Variants in LHFPL2 observed in about 807,000 individuals in gnomAD.
The protein encoded by LHFPL2 is LHFPL tetraspan subfamily member 2, also known as LHFPL tetraspan subfamily member 2 protein.
In LHFPL2, 7 loss-of-function variants were observed where a neutral mutation model predicts 17.5. The ratio of observed to expected loss-of-function variants is 0.40; its 90% CI spans 0.23 to 0.75. LHFPL2 has a LOEUF of 0.75. Ranked by LOEUF, LHFPL2 falls within the 30% of genes least tolerant of loss-of-function variation. The probability of loss-of-function intolerance (pLI) is 0.37; values close to 1 mark genes in which losing one functional copy is unlikely to be tolerated. For synonymous variants in LHFPL2, 134 were observed against 116.2 expected (o/e 1.15, Z -0.99); for missense variants, 241 against 294.8 (o/e 0.82, Z 1.34).
At position 78,648,156 on chromosome 5, in the gene LHFPL2, C is replaced by T. The variant is rs1033718177; in HGVS notation, c.-350+343G>A. ...CGCCTGGGACCCACGCGCCGCCGTC[C>T]GAAGCCCGCCAGCGACGCCCAGAGA... On this transcript the variant is annotated intron_variant, in intron 1 of 4. Coordinates refer to ENST00000380345, the MANE Select transcript of LHFPL2 (RefSeq NM_005779.3). This position sits in a 1 kb window ranked among gnomAD's most constrained non-coding sequence, Gnocchi z 5.4. 6.6e-6 allele frequency among the ~76,000 whole-genome samples: 1 copy of T among 152,150 alleles called. No individual in the cohort carries two copies. The highest frequency in any genetic ancestry group is 2.4e-5 in the African/African-American group (1 of 41,442).
At chr5:78,570,267 G>A (rs1438286355) in intron 2 of LHFPL2, among the ~76,000 whole-genome samples, 5 of 152,210 alleles carry the variant, frequency 3.3e-5, no homozygotes, top group Non-Finnish European at 5.9e-5. Flanking sequence ...GTCAGGCTAT[G>A]TAGAAGAAAG....
chr5:78,583,733 A>G (rs1259748495), intron 2 of LHFPL2, among the ~76,000 whole-genome samples: 1 of 149,958 alleles, frequency 6.7e-6, no homozygotes, highest in Non-Finnish European at 1.5e-5. Context: ...CTTCATTTCA[A>G]CTTTGGTGAA....
intron 3 of LHFPL2, among the ~76,000 whole-genome samples, chr5:78,529,112 G>A (rs953715220): frequency 1.4e-4 from 20 of 139,166 alleles, no homozygotes; most frequent in African/African-American, 5.0e-4. Context: ...CCACGTCTCT[G>A]AAAAAAAAAA....
At position 78,563,700 on chromosome 5, in the gene LHFPL2, C is replaced by CAA. The variant is rs1198192351; in HGVS notation, c.-186+1111_-186+1112dup. On this transcript the variant is annotated intron_variant, in intron 3 of 4. Coordinates refer to ENST00000380345, the MANE Select transcript of LHFPL2 (RefSeq NM_005779.3). ...TGGGTGATAGAGCCAGACTCCACTT[C>CAA]AAAAAAAAAAAAAAAAAGATTATCA... 4.4e-3 allele frequency among the ~76,000 whole-genome samples: 411 copies of CAA among 93,290 alleles called. 1 individual carries two copies. The highest frequency in any genetic ancestry group is 0.013 in the African/African-American group (388 of 29,980). The allele number at this position is 93,290 out of a possible 152,430, so 61.2% of individuals were successfully genotyped here.
At chr5:78,643,552 T>C (rs1403634737) in intron 1 of LHFPL2, among the ~76,000 whole-genome samples, 1 of 152,186 alleles carries the variant, frequency 6.6e-6, no homozygotes, top group Non-Finnish European at 1.5e-5. Context: ...ATTCATTATG[T>C]CAACAAAACA....
chr5:78,531,695 C>T (rs1260485437), intron 3 of LHFPL2, among the ~76,000 whole-genome samples: 1 of 152,162 alleles, frequency 6.6e-6, no homozygotes, highest in African/African-American at 2.4e-5. Flanking sequence ...ATTTCTCAAC[C>T]TCCTCTGCAG....
chr5:78,644,142 A>G (rs1272812671), intron 1 of LHFPL2: 1 of 525,790 alleles, frequency 1.9e-6, no homozygotes, highest in East Asian at 3.4e-5. Context: ...TACAAAAAAG[A>G]CAATGTACAA....
chr5:78,575,949 A>T (rs56027956), intron 2 of LHFPL2, among the ~76,000 whole-genome samples: 6,662 of 152,226 alleles, frequency 0.044, 186 homozygotes, highest in Non-Finnish European at 0.067. Flanking sequence ...GCTGGAGCGC[A>T]GTGGCCTGGT....
chr5:78,628,326 T>A (rs945606205), intron 2 of LHFPL2, among the ~76,000 whole-genome samples: 2 of 152,182 alleles, frequency 1.3e-5, no homozygotes, highest in African/African-American at 4.8e-5. Flanking sequence ...CAATTCTCTC[T>A]CTTTTAAACG....
chr5:78,569,648 G>A (rs567031183), intron 2 of LHFPL2, among the ~76,000 whole-genome samples: 2 of 152,144 alleles, frequency 1.3e-5, no homozygotes, highest in African/African-American at 2.4e-5. Context: ...TTCATGAACC[G>A]TCTACCAAGC....
At chr5:78,552,618 G>A (rs1299019358) in intron 3 of LHFPL2, among the ~76,000 whole-genome samples, 6 of 152,134 alleles carry the variant, frequency 3.9e-5, no homozygotes, top group Admixed American at 1.3e-4. Context: ...CCTCTGGCAC[G>A]GCCAAAGGCA....
At chr5:78,600,029 T>C (rs992171056) in intron 2 of LHFPL2, among the ~76,000 whole-genome samples, 4 of 152,056 alleles carry the variant, frequency 2.6e-5, no homozygotes, top group Non-Finnish European at 5.9e-5. Flanking sequence ...GAACATGCAA[T>C]ATACCCTTCA....
intron 1 of LHFPL2, among the ~76,000 whole-genome samples, chr5:78,641,280 A>C (rs1169780734): frequency 6.6e-6 from 1 of 152,200 alleles, no homozygotes; most frequent in Admixed American, 6.5e-5. Context: ...CCATACATCA[A>C]CCTGGGCTAC....
At chr5:78,534,487 C>A (rs1456285832) in intron 3 of LHFPL2, among the ~76,000 whole-genome samples, 1 of 152,154 alleles carries the variant, frequency 6.6e-6, no homozygotes, top group Non-Finnish European at 1.5e-5. Flanking sequence ...CTATGACTCC[C>A]CCATTCCGCG....
chr5:78,504,514 A>AT (rs1388582297), intron 4 of LHFPL2, among the ~76,000 whole-genome samples: 1 of 152,030 alleles, frequency 6.6e-6, no homozygotes, highest in East Asian at 1.9e-4. Flanking sequence ...GCTTAAGGTG[A>AT]TTTTTTACCC....
chr5:78,588,640 T>C (rs1200667813), intron 2 of LHFPL2, among the ~76,000 whole-genome samples: 4 of 152,194 alleles, frequency 2.6e-5, no homozygotes, highest in African/African-American at 9.6e-5. Flanking sequence ...GTTATCCTCT[T>C]CAAAAGCTCC....
chr5:78,524,187 C>T (rs1755545504), intron 3 of LHFPL2, among the ~76,000 whole-genome samples: 2 of 152,184 alleles, frequency 1.3e-5, no homozygotes, highest in Non-Finnish European at 2.9e-5. Flanking sequence ...GGGCCTTGCT[C>T]ACCTTGCGCC....
intron 2 of LHFPL2, among the ~76,000 whole-genome samples, chr5:78,620,803 G>A (rs1744825140): frequency 6.6e-6 from 1 of 152,186 alleles, no homozygotes. Flanking sequence ...GGAGCCGACT[G>A]CCAAGCAGCT....
At chr5:78,533,735 A>T (rs1755856178) in intron 3 of LHFPL2, among the ~76,000 whole-genome samples, 1 of 152,216 alleles carries the variant, frequency 6.6e-6, no homozygotes, top group African/African-American at 2.4e-5. Context: ...AGAGAAAAAG[A>T]ACTCTGCCAA....
Sources: gnomAD v4.1 joint callset for allele counts (sites outside exome capture counted in the v4.1 genomes callset) on GRCh38, gnomAD v4.1.1 for gene constraint, Gnocchi (gnomAD v3.1) non-coding constraint, MANE v1.5 for transcripts, NCBI Gene and HGNC (gene_info 2026-07-23, HGNC 2026-07-21) for gene names.